The following PXDNL variants were observed in gnomAD, a reference collection of about 807,000 sequenced individuals.
PXDNL encodes the protein peroxidasin like, also known as probable oxidoreductase PXDNL.
A neutral mutation model predicts 150.8 loss-of-function variants in PXDNL; 145 were observed. The ratio of observed to expected loss-of-function variants is 0.96; its 90% CI spans 0.84 to 1.10. PXDNL has a LOEUF of 1.10. PXDNL is among the 50% of genes least tolerant of loss of function. The pLI is 0.00. For synonymous variants in PXDNL, 757 were observed against 725.7 expected (o/e 1.04, Z -0.69); for missense variants, 2,087 against 1,873.9 (o/e 1.11, Z -2.10).
At chr8:51,681,602 G>C (rs1349012789) in intron 1 of PXDNL, among the ~76,000 whole-genome samples, 3 of 152,214 alleles carry the variant, frequency 2.0e-5, no homozygotes, top group Non-Finnish European at 4.4e-5. Context: ...AAGCCCTGCT[G>C]CCCTCTCCTC....
chr8:51,767,431 G>A (rs1428280007), intron 1 of PXDNL, among the ~76,000 whole-genome samples: 1 of 152,034 alleles, frequency 6.6e-6, no homozygotes, highest in Non-Finnish European at 1.5e-5. Context: ...TTTGTCATGC[G>A]AGGCCACTGA....
chr8:51,693,438 G>A (rs1346193217), intron 1 of PXDNL, among the ~76,000 whole-genome samples: 2 of 152,190 alleles, frequency 1.3e-5, no homozygotes, highest in Non-Finnish European at 2.9e-5. Context: ...AGCACAGACT[G>A]AGTTTAAGTT....
chr8:51,399,176 T>G (rs1808173840), intron 17 of PXDNL, among the ~76,000 whole-genome samples: 1 of 152,298 alleles, frequency 6.6e-6, no homozygotes, highest in African/African-American at 2.4e-5. Context: ...ATTTGGCAGT[T>G]TCTTATAAAG....
At position 51,416,829 on chromosome 8, in the gene PXDNL, G is replaced by T. The variant is rs1007638680; in HGVS notation, c.1796-3571C>A. Among the ~76,000 whole-genome samples, 5 of 152,120 alleles carry T rather than the reference G, an allele frequency of 3.3e-5. No individual in the cohort carries two copies. In the South Asian group the frequency reaches 1.0e-3, roughly 32 times the overall value. On this transcript the variant is annotated intron_variant, in intron 14 of 22. Coordinates refer to ENST00000356297, the MANE Select transcript of PXDNL (RefSeq NM_144651.5). The stretch of plus-strand genomic sequence containing the variant: ...ACTACACAAATAGAAAACACATAAA[G>T]TTGTTCAGATTCTTAAAAGCACATT...
intron 1 of PXDNL, among the ~76,000 whole-genome samples, chr8:51,780,221 G>GA (rs1447964551): frequency 6.6e-6 from 1 of 151,976 alleles, no homozygotes; most frequent in East Asian, 1.9e-4. Context: ...TAAAAAAAAA[G>GA]AAGTGCAGAG....
intron 8 of PXDNL, among the ~76,000 whole-genome samples, chr8:51,457,908 T>C (rs1183367079): frequency 6.6e-6 from 1 of 152,196 alleles, no homozygotes. Context: ...GAGGTTGAGA[T>C]GTTCTGCCTT....
intron 12 of PXDNL, among the ~76,000 whole-genome samples, chr8:51,437,794 T>C (rs1295814892): frequency 1.3e-5 from 2 of 152,138 alleles, no homozygotes; most frequent in African/African-American, 4.8e-5. Context: ...AACATAGTAC[T>C]GGAAGTCCTA....
At chr8:51,628,814 A>G (rs1814423980) in intron 2 of PXDNL, among the ~76,000 whole-genome samples, 1 of 152,164 alleles carries the variant, frequency 6.6e-6, no homozygotes, top group African/African-American at 2.4e-5. Context: ...TACATGTAAC[A>G]AAAAGAAGAC....
rs367662421 is a variant in PXDNL at position 51,361,105 on chromosome 8, C to G, written c.3901+10768G>C. 1.0e-3 allele frequency among the ~76,000 whole-genome samples: 153 copies of G among 152,314 alleles called. 2 individuals are homozygous for G. The highest frequency in any genetic ancestry group is 3.4e-3 in the African/African-American group (142 of 41,574). Reference sequence around the variant, plus strand: ...CTGCTTTCTCACAGCAACTGGGGATCATGGTATTCTCTCTCAGATTCCAAA... The same window carrying G: ...CTGCTTTCTCACAGCAACTGGGGATGATGGTATTCTCTCTCAGATTCCAAA... On this transcript the variant is annotated intron_variant, in intron 19 of 22. Coordinates refer to ENST00000356297, the MANE Select transcript of PXDNL (RefSeq NM_144651.5).
intron 2 of PXDNL, among the ~76,000 whole-genome samples, chr8:51,613,819 T>G (rs1289473598): frequency 6.6e-6 from 1 of 152,210 alleles, no homozygotes; most frequent in Non-Finnish European, 1.5e-5. Flanking sequence ...CAAGCATGGT[T>G]GAATACGCAT....
intron 4 of PXDNL, among the ~76,000 whole-genome samples, chr8:51,547,969 AATAG>A (rs1402518703): frequency 5.3e-5 from 8 of 152,140 alleles, no homozygotes; most frequent in African/African-American, 9.7e-5. Flanking sequence ...TCTGCAGAGA[AATAG>A]ATAGCATAAA....
chr8:51,698,167 A>T (rs997866892), intron 1 of PXDNL, among the ~76,000 whole-genome samples: 1 of 152,218 alleles, frequency 6.6e-6, no homozygotes, highest in African/African-American at 2.4e-5. Context: ...AAATAATTCA[A>T]TAATGAAGTT....
Position 51,428,590 on chromosome 8 carries a change from T to C in PXDNL, c.1526-1832A>G, listed in dbSNP as rs147604450. On this transcript the variant is annotated intron_variant, in intron 12 of 22. Coordinates refer to ENST00000356297, the MANE Select transcript of PXDNL (RefSeq NM_144651.5). ...ATACAATATGCTCCATTGATTTTAA[T>C]GAAAGAGCAGAAGCAGTTCACTGGA... 7.5e-3 allele frequency among the ~76,000 whole-genome samples: 1,141 copies of C among 152,284 alleles called. 13 individuals carry two copies. Among genetic ancestry groups the C allele is most frequent in the African/African-American group, 0.026 (1,080 of 41,548 alleles).
At chr8:51,424,555 TAAG>T (rs915533401) in intron 13 of PXDNL, among the ~76,000 whole-genome samples, 10 of 151,946 alleles carry the variant, frequency 6.6e-5, no homozygotes, top group South Asian at 2.1e-4. Flanking sequence ...ATTAAAAATA[TAAG>T]AAGATAAAAA....
intron 5 of PXDNL, among the ~76,000 whole-genome samples, chr8:51,487,581 G>A (rs989828577): frequency 3.9e-5 from 6 of 152,070 alleles, no homozygotes; most frequent in African/African-American, 1.4e-4. Flanking sequence ...ATTTTCTGCC[G>A]GAGCACCAAG....
At chr8:51,542,136 T>A (rs1812230478) in intron 4 of PXDNL, among the ~76,000 whole-genome samples, 1 of 151,532 alleles carries the variant, frequency 6.6e-6, no homozygotes. Context: ...AGGCTTTAAT[T>A]TATTTTGAGA....
At chr8:51,404,438 G>A (rs181565329) in intron 17 of PXDNL, among the ~76,000 whole-genome samples, 6 of 150,090 alleles carry the variant, frequency 4.0e-5, no homozygotes, top group African/African-American at 1.5e-4. Flanking sequence ...AGACATAAAA[G>A]TTCTCCAAGT....
intron 4 of PXDNL, among the ~76,000 whole-genome samples, chr8:51,530,913 A>G (rs900435521): frequency 6.6e-6 from 1 of 152,102 alleles, no homozygotes; most frequent in African/African-American, 2.4e-5. Context: ...TTTTTTATTC[A>G]CTGATTGATT....
chr8:51,429,322 A>C (rs1809192381), intron 12 of PXDNL, among the ~76,000 whole-genome samples: 1 of 152,196 alleles, frequency 6.6e-6, no homozygotes, highest in African/African-American at 2.4e-5. Flanking sequence ...GCTCATGCCT[A>C]TAATCCCAGC....
Sources: gnomAD v4.1 joint callset for allele counts (sites outside exome capture counted in the v4.1 genomes callset) on GRCh38, gnomAD v4.1.1 for gene constraint, MANE v1.5 for transcripts, NCBI Gene and HGNC (gene_info 2026-07-23, HGNC 2026-07-21) for gene names.